The following EXOC4 variants were observed in gnomAD, a reference collection of about 807,000 sequenced individuals.
EXOC4 encodes the protein exocyst complex component 4.
Under a neutral mutation model 107.2 loss-of-function variants are expected in EXOC4, and 71 were observed. The observed-to-expected ratio is 0.66, with a 90% CI of 0.55 to 0.81. The LOEUF (loss-of-function observed/expected upper bound fraction) is 0.81, where lower values mean the gene tolerates loss of function less well. Among genes scored for constraint, EXOC4 ranks in the 30% least tolerant of loss-of-function variants. The probability of loss-of-function intolerance (pLI) is 0.00; values close to 1 mark genes in which losing one functional copy is unlikely to be tolerated. For missense variants in EXOC4, 1,108 were observed against 1,189.6 expected, an observed-to-expected ratio of 0.93 and a Z score of 1.01; for synonymous variants, 456 against 441.2, an observed-to-expected ratio of 1.03 and a Z score of -0.42.
intron 10 of EXOC4, among the ~76,000 whole-genome samples, chr7:133,756,412 A>T (rs985101): frequency 0.87 from 131,842 of 152,226 alleles, 57,683 homozygotes; most frequent in East Asian, 0.99. Flanking sequence ...ACCTGTAGAA[A>T]AGTGTTGAGC....
chr7:133,263,374 C>CTTTTTT (rs920302686), intron 1 of EXOC4, among the ~76,000 whole-genome samples: 74 of 83,978 alleles, frequency 8.8e-4, no homozygotes, highest in Non-Finnish European at 1.2e-3. Context: ...AAAAAGCATT[C>CTTTTTT]TTTTTTTTTT....
At chr7:133,291,849 A>G (rs560296430) in intron 3 of EXOC4, among the ~76,000 whole-genome samples, 1 of 152,230 alleles carries the variant, frequency 6.6e-6, no homozygotes, top group African/African-American at 2.4e-5. Context: ...CAGGCTGTTT[A>G]TTGAATCCTT....
chr7:134,027,422 G>A (rs796135332), intron 17 of EXOC4, among the ~76,000 whole-genome samples: 1 of 152,136 alleles, frequency 6.6e-6, no homozygotes, highest in Non-Finnish European at 1.5e-5. Context: ...CACTTTGGGA[G>A]GCCGAGGCGG....
chr7:133,367,386 G>A (rs776496612), intron 6 of EXOC4, among the ~76,000 whole-genome samples: 40 of 152,176 alleles, frequency 2.6e-4, no homozygotes, highest in Non-Finnish European at 5.6e-4. Flanking sequence ...GGAGGCACAA[G>A]TGGGCAGTAG....
intron 3 of EXOC4, among the ~76,000 whole-genome samples, chr7:133,297,581 A>G (rs1335234765): frequency 6.6e-6 from 1 of 152,212 alleles, no homozygotes; most frequent in African/African-American, 2.4e-5. Context: ...CCTTATCTGT[A>G]GAACAGATAA....
At chr7:134,056,768 G>A (rs1040150690) in intron 17 of EXOC4, among the ~76,000 whole-genome samples, 1 of 152,154 alleles carries the variant, frequency 6.6e-6, no homozygotes, top group African/African-American at 2.4e-5. Flanking sequence ...AATTTAGAAC[G>A]TGTTCCAAAG....
chr7:133,805,491 C>T (rs1240849101), intron 10 of EXOC4, among the ~76,000 whole-genome samples: 14 of 152,144 alleles, frequency 9.2e-5, no homozygotes, highest in Non-Finnish European at 1.2e-4. Flanking sequence ...AAGACATGTT[C>T]CCTCTTTTCA....
At chr7:133,498,681 A>G (rs886449082) in intron 9 of EXOC4, among the ~76,000 whole-genome samples, 4 of 152,136 alleles carry the variant, frequency 2.6e-5, no homozygotes, top group Non-Finnish European at 2.9e-5. Context: ...TTCTATCTCT[A>G]ATCCCTCCAA....
At chr7:134,091,406 A>G in the EXOC4 span, among the ~76,000 whole-genome samples, 1 of 152,146 alleles carries the variant, frequency 6.6e-6, no homozygotes, top group African/African-American at 2.4e-5. Context: ...AGAATGACCA[A>G]AGGTCACTCT....
chr7:133,369,800 C>CTTTTT lies in EXOC4; in HGVS notation c.1008-5009_1008-5005dup, dbSNP rs35258276. ...AGCATCTCTCCTTCTACTAGATTTC[C>CTTTTT]TTTTTTTTTTTTTTTTTTTTTTTGA... On this transcript the variant is annotated intron_variant, in intron 6 of 17. Coordinates refer to ENST00000253861, the MANE Select transcript of EXOC4 (RefSeq NM_021807.4). Among the ~76,000 whole-genome samples the CTTTTT allele has an allele frequency of 8.2e-4, 71 of 86,658 alleles. 1 individual carries two copies. Among genetic ancestry groups the CTTTTT allele is most frequent in the African/African-American group, 1.2e-3 (26 of 21,462 alleles). The allele number at this position is 86,658 out of a possible 152,430, so 56.9% of individuals were successfully genotyped here. A position where few individuals can be genotyped will look rare whatever the true frequency, so the allele number is the denominator to read the frequency against.
intron 6 of EXOC4, among the ~76,000 whole-genome samples, chr7:133,374,533 T>C (rs1019194333): frequency 6.6e-6 from 1 of 152,214 alleles, no homozygotes; most frequent in Non-Finnish European, 1.5e-5. Flanking sequence ...TGAACTATGT[T>C]AAAACGGCAA....
intron 10 of EXOC4, among the ~76,000 whole-genome samples, chr7:133,642,294 G>A (rs900652051): frequency 9.9e-5 from 15 of 152,132 alleles, no homozygotes; most frequent in Non-Finnish European, 1.8e-4. Flanking sequence ...TGATAAAGGA[G>A]TCCCTCATTC....
intron 14 of EXOC4, among the ~76,000 whole-genome samples, chr7:133,959,720 AG>A (rs1800897637): frequency 1.3e-5 from 2 of 152,062 alleles, no homozygotes; most frequent in African/African-American, 4.8e-5. Flanking sequence ...AAAAAATAAA[AG>A]TTTTTCTAGA....
intron 5 of EXOC4, among the ~76,000 whole-genome samples, chr7:133,334,854 A>G (rs949575406): frequency 2.6e-5 from 4 of 152,128 alleles, no homozygotes; most frequent in African/African-American, 4.8e-5. Context: ...TTAGTTTGCT[A>G]TGGATAATGG....
intron 5 of EXOC4, among the ~76,000 whole-genome samples, chr7:133,325,580 G>A (rs776008314): frequency 2.6e-5 from 4 of 152,144 alleles, no homozygotes; most frequent in Non-Finnish European, 4.4e-5. Flanking sequence ...CGAGAGATCC[G>A]CTGTTAGTCT....
intron 5 of EXOC4, among the ~76,000 whole-genome samples, chr7:133,339,407 A>G (rs148518793): frequency 2.0e-4 from 30 of 152,272 alleles, no homozygotes; most frequent in African/African-American, 6.7e-4. Flanking sequence ...TTTGGTGACT[A>G]TGGCTTTACA....
intron 9 of EXOC4, among the ~76,000 whole-genome samples, chr7:133,483,555 C>T (rs1439803842): frequency 2.0e-5 from 3 of 152,082 alleles, no homozygotes; most frequent in Admixed American, 6.5e-5. Context: ...AAGCACAAGT[C>T]GATTGAACTT....
chr7:134,022,936 G>T (rs1236170591), intron 17 of EXOC4, among the ~76,000 whole-genome samples: 1 of 152,140 alleles, frequency 6.6e-6, no homozygotes, highest in East Asian at 1.9e-4. Flanking sequence ...AGTATCCTTA[G>T]TCTGCATTTC....
chr7:133,524,934 C>A (rs1399921780), intron 9 of EXOC4, among the ~76,000 whole-genome samples: 1 of 152,174 alleles, frequency 6.6e-6, no homozygotes, highest in Non-Finnish European at 1.5e-5. Context: ...GAGATCCAAG[C>A]ATACCTGATT....
Sources: allele counts gnomAD v4.1 joint callset (sites outside exome capture counted in the v4.1 genomes callset), GRCh38; gene constraint gnomAD v4.1.1; transcripts MANE v1.5; gene names NCBI Gene and HGNC (gene_info 2026-07-23, HGNC 2026-07-21).